GALNTL6: variants seen among roughly 807,000 people sequenced by gnomAD.
GALNTL6 encodes the protein polypeptide N-acetylgalactosaminyltransferase-like 6.
In GALNTL6, 46 loss-of-function variants were observed where a neutral mutation model predicts 73.7. The observed-to-expected ratio is 0.62, with a 90% CI of 0.49 to 0.80. The LOEUF is 0.80. Ranked by LOEUF, GALNTL6 falls within the 30% of genes least tolerant of loss-of-function variation. GALNTL6 has a pLI of 0.00. For missense variants in GALNTL6, 604 were observed against 755.0 expected (o/e 0.80, Z 2.34); for synonymous variants, 259 against 263.7 (o/e 0.98, Z 0.17).
At chr4:172,242,749 G>C (rs1197525318) in intron 3 of GALNTL6, among the ~76,000 whole-genome samples, 1 of 144,372 alleles carries the variant, frequency 6.9e-6, no homozygotes, top group African/African-American at 2.6e-5. Context: ...AAATACTATA[G>C]CTCTGGAAGG....
At chr4:172,481,340 G>A (rs1481242934) in intron 5 of GALNTL6, among the ~76,000 whole-genome samples, 1 of 152,076 alleles carries the variant, frequency 6.6e-6, no homozygotes, top group Non-Finnish European at 1.5e-5. Flanking sequence ...CATAAAGGCA[G>A]TGCGGACCCA....
At chr4:171,937,442 A>G (rs1738384503) in intron 2 of GALNTL6, among the ~76,000 whole-genome samples, 1 of 152,172 alleles carries the variant, frequency 6.6e-6, no homozygotes, top group South Asian at 2.1e-4. Context: ...TTAGAAAAGT[A>G]TACATCTTTG....
intron 2 of GALNTL6, among the ~76,000 whole-genome samples, chr4:172,031,649 T>C (rs1258393422): frequency 6.6e-6 from 1 of 152,022 alleles, no homozygotes; most frequent in Non-Finnish European, 1.5e-5. Context: ...TTGTACCTAT[T>C]GCACTATCTC....
chr4:172,578,687 A>C (rs1040299640), intron 5 of GALNTL6, among the ~76,000 whole-genome samples: 1 of 152,226 alleles, frequency 6.6e-6, no homozygotes, highest in Admixed American at 6.5e-5. Context: ...CCGTGGTTTC[A>C]CAAAATCCCT....
intron 10 of GALNTL6, among the ~76,000 whole-genome samples, chr4:172,991,192 G>T (rs1351280503): frequency 6.6e-6 from 1 of 152,100 alleles, no homozygotes; most frequent in Non-Finnish European, 1.5e-5. Flanking sequence ...GGGAGATTCA[G>T]CTTTCCAACC....
chr4:172,711,284 G>C (rs752648059), intron 5 of GALNTL6, among the ~76,000 whole-genome samples: 2 of 152,120 alleles, frequency 1.3e-5, no homozygotes, highest in Non-Finnish European at 2.9e-5. Flanking sequence ...CATGTCTTAG[G>C]TGAGAGTTTT....
At chr4:172,201,502 G>A (rs2110902581) in intron 2 of GALNTL6, among the ~76,000 whole-genome samples, 1 of 151,772 alleles carries the variant, frequency 6.6e-6, no homozygotes. Flanking sequence ...ACGGCACCGG[G>A]ACTAGTTTTT....
chr4:172,926,533 A>G (rs1049761448), intron 8 of GALNTL6, among the ~76,000 whole-genome samples: 23 of 152,230 alleles, frequency 1.5e-4, no homozygotes, highest in African/African-American at 5.5e-4. Flanking sequence ...GCATTGTTCC[A>G]GACCTTGACC....
At position 173,040,058 on chromosome 4, in the gene GALNTL6, T is replaced by C. The variant is rs1753843427; in HGVS notation, c.1764T>C (p.Asn588=). ...AGCAGTGGATTTTTGAACACATTAA[T>C]ATGACTGTTTTAGAAAAATTTAACC... ...ETQQWIFEHI[N]MTVLEKFNHH... Residue 588 remains asparagine, a synonymous_variant, in exon 13 of 13, where the codon AAT becomes AAC. Transcript: ENST00000506823. The C allele has an allele frequency of 6.2e-7, 1 of 1,613,396 alleles. No homozygotes were observed.
chr4:172,964,584 C>A (rs1194855048), intron 10 of GALNTL6, among the ~76,000 whole-genome samples: 1 of 152,202 alleles, frequency 6.6e-6, no homozygotes, highest in African/African-American at 2.4e-5. Context: ...GGAACATTCA[C>A]AAAGACAGGC....
intron 5 of GALNTL6, among the ~76,000 whole-genome samples, chr4:172,478,864 C>G (rs1459886792): frequency 6.6e-6 from 1 of 152,110 alleles, no homozygotes; most frequent in East Asian, 1.9e-4. Context: ...CATGAACAGA[C>G]AGTTCTCAAA....
Position 172,732,521 on chromosome 4 carries a change from C to T in GALNTL6, c.554-76840C>T, listed in dbSNP as rs562800079. Reference sequence around the variant, plus strand: ...TTAGTTGGAGAGTTGAAACCATTCACATTTAGCGTTATTATTGATAAGAAC... The same window carrying T: ...TTAGTTGGAGAGTTGAAACCATTCATATTTAGCGTTATTATTGATAAGAAC... On this transcript the variant is annotated intron_variant, in intron 5 of 12. Coordinates refer to ENST00000506823, the MANE Select transcript of GALNTL6 (RefSeq NM_001034845.3). Among the ~76,000 whole-genome samples the T allele has an allele frequency of 2.6e-5, 4 of 152,250 alleles. No homozygotes were observed. The South Asian group carries it at 6.2e-4, about 24-fold the overall frequency.
chr4:173,018,052 C>A (rs932841142), intron 11 of GALNTL6, among the ~76,000 whole-genome samples: 1 of 152,128 alleles, frequency 6.6e-6, no homozygotes, highest in African/African-American at 2.4e-5. Flanking sequence ...TAAGCTCTGG[C>A]CTTCTGAGTG....
At chr4:172,547,413 A>G (rs1377966868) in intron 5 of GALNTL6, among the ~76,000 whole-genome samples, 1 of 152,166 alleles carries the variant, frequency 6.6e-6, no homozygotes, top group Non-Finnish European at 1.5e-5. Context: ...TTTGATCTTC[A>G]AAAGACCAAC....
intron 2 of GALNTL6, among the ~76,000 whole-genome samples, chr4:172,177,841 A>ATATATACACACACATATATG (rs1560955731): frequency 1.4e-3 from 44 of 30,624 alleles, no homozygotes; most frequent in East Asian, 7.9e-3. Context: ...ACACATATAT[A>ATATATACACACACATATATG]TGTGTATATA....
At chr4:173,006,051 T>A (rs1752263472) in intron 10 of GALNTL6, among the ~76,000 whole-genome samples, 3 of 152,220 alleles carry the variant, frequency 2.0e-5, no homozygotes, top group Admixed American at 2.0e-4. Context: ...CACTCAGTGT[T>A]CCTGGCTTGG....
intron 5 of GALNTL6, among the ~76,000 whole-genome samples, chr4:172,741,148 A>G (rs1437855): frequency 0.36 from 54,538 of 151,992 alleles, 10,835 homozygotes; most frequent in African/African-American, 0.52. Context: ...CAAGAAGCCA[A>G]TGGGTTTTGC....
chr4:172,084,104 C>A (rs1731959894), intron 2 of GALNTL6, among the ~76,000 whole-genome samples: 1 of 152,070 alleles, frequency 6.6e-6, no homozygotes, highest in African/African-American at 2.4e-5. Flanking sequence ...GAGTTGTTTT[C>A]TATGACAAAG....
intron 5 of GALNTL6, among the ~76,000 whole-genome samples, chr4:172,500,800 G>T (rs777094392): frequency 2.0e-5 from 3 of 152,074 alleles, no homozygotes; most frequent in Non-Finnish European, 4.4e-5. Context: ...ATATCCTTAT[G>T]AGTGTCTTAA....
Sources: gnomAD v4.1 joint callset for allele counts (sites outside exome capture counted in the v4.1 genomes callset) on GRCh38, gnomAD v4.1.1 for gene constraint, MANE v1.5 for transcripts, NCBI Gene and HGNC (gene_info 2026-07-23, HGNC 2026-07-21) for gene names.